The following EHMT1 variants were observed in gnomAD, a reference collection of about 807,000 sequenced individuals.
The protein encoded by EHMT1 is euchromatic histone lysine methyltransferase 1.
A neutral mutation model predicts 147.2 loss-of-function variants in EHMT1; 15 were observed. The observed-to-expected ratio is 0.10, with a 90% CI of 0.07 to 0.16. The LOEUF (loss-of-function observed/expected upper bound fraction) is 0.16, where lower values mean the gene tolerates loss of function less well. EHMT1 is among the 10% of genes least tolerant of loss of function. The pLI is 1.00. For synonymous variants in EHMT1, 795 were observed against 709.6 expected (o/e 1.12, Z -1.91); for missense variants, 1,587 against 1,772.4 (o/e 0.90, Z 1.88).
chr9:137,789,938 C>T (rs1454369964), intron 15 of EHMT1, among the ~76,000 whole-genome samples: 5 of 152,212 alleles, frequency 3.3e-5, no homozygotes. Context: ...CCATGTTGGC[C>T]AGGCTGGTCT....
intron 1 of EHMT1, among the ~76,000 whole-genome samples, chr9:137,699,632 G>A (rs1323234594): frequency 1.1e-4 from 16 of 151,162 alleles, no homozygotes; most frequent in African/African-American, 1.9e-4. Context: ...TCGAGATTGC[G>A]CCACTGCATT....
intron 16 of EHMT1, among the ~76,000 whole-genome samples, chr9:137,793,701 C>G (rs6559227): frequency 6.6e-6 from 1 of 152,154 alleles, no homozygotes; most frequent in African/African-American, 2.4e-5. Context: ...TGGGATGTTA[C>G]TCAGCCATAA....
At chr9:137,724,911 G>GT (rs1482002246) in intron 3 of EHMT1, among the ~76,000 whole-genome samples, 3,602 of 93,778 alleles carry the variant, frequency 0.038, 139 homozygotes, top group African/African-American at 0.13. Context: ...GGCATTCGTT[G>GT]GGCATTCGTG....
At chr9:137,742,171 G>A (rs541096485) in intron 4 of EHMT1, among the ~76,000 whole-genome samples, 1 of 152,304 alleles carries the variant, frequency 6.6e-6, no homozygotes, top group Non-Finnish European at 1.5e-5. Context: ...CTCCAGAGCG[G>A]ATTGCCCAGG....
intron 16 of EHMT1, among the ~76,000 whole-genome samples, chr9:137,796,032 C>T (rs1952913407): frequency 1.3e-5 from 2 of 152,244 alleles, no homozygotes; most frequent in African/African-American, 2.4e-5. Flanking sequence ...TGCAGACTCG[C>T]TCTCATCCTA....
chr9:137,704,296 A>G (rs1299446371), intron 1 of EHMT1, among the ~76,000 whole-genome samples: 1 of 152,132 alleles, frequency 6.6e-6, no homozygotes, highest in Non-Finnish European at 1.5e-5. Flanking sequence ...CTGTAGGGGA[A>G]TGTGTGGGAG....
intron 10 of EHMT1, among the ~76,000 whole-genome samples, chr9:137,772,500 G>A (rs1189746897): frequency 1.3e-5 from 2 of 152,176 alleles, no homozygotes; most frequent in East Asian, 3.9e-4. Flanking sequence ...GACCTCGTCT[G>A]AGGCTCCGCC....
intron 1 of EHMT1, among the ~76,000 whole-genome samples, chr9:137,653,530 C>CT (rs946218986): frequency 3.3e-5 from 5 of 149,738 alleles, no homozygotes; most frequent in East Asian, 2.0e-4. Flanking sequence ...TTTTCTCTTT[C>CT]TTTTTTTTTT....
intron 8 of EHMT1, among the ~76,000 whole-genome samples, chr9:137,755,467 T>C (rs918028689): frequency 6.6e-6 from 1 of 152,254 alleles, no homozygotes; most frequent in Non-Finnish European, 1.5e-5. Flanking sequence ...GTCTTATCTG[T>C]CCATTCATCC....
At chr9:137,789,749 TA>T (rs1357186514) in intron 15 of EHMT1, among the ~76,000 whole-genome samples, 4 of 152,216 alleles carry the variant, frequency 2.6e-5, no homozygotes, top group African/African-American at 4.8e-5. Context: ...TTTGTTTTTG[TA>T]ACAGAGTTCA....
intron 10 of EHMT1, among the ~76,000 whole-genome samples, chr9:137,771,887 C>T (rs986688878): frequency 5.3e-5 from 8 of 152,098 alleles, no homozygotes; most frequent in South Asian, 2.1e-4. Flanking sequence ...CGCTCAGGAG[C>T]GGGGCCCACA....
Position 137,641,502 on chromosome 9 carries a change from T to C in EHMT1, c.21+22453T>C, listed in dbSNP as rs193081688. On this transcript the variant is annotated intron_variant, in intron 1 of 26. Transcript: ENST00000460843. ...GCTTGTGGATGGCTGACAAATGTTA[T>C]TACCCAGAAATTGGGGATTTTGGGA... 6.9e-4 allele frequency: 286 copies of C among 416,180 alleles called. 1 individual carries two copies. The highest frequency in any genetic ancestry group is 5.7e-3 in the African/African-American group (267 of 47,118). The allele number at this position is 416,180 out of a possible 1,614,324, so 25.8% of individuals were successfully genotyped here. A position where few individuals can be genotyped will look rare whatever the true frequency, so the allele number is the denominator to read the frequency against.
intron 18 of EHMT1, among the ~76,000 whole-genome samples, chr9:137,809,743 T>C (rs1222022736): frequency 2.0e-5 from 3 of 152,218 alleles, no homozygotes; most frequent in Non-Finnish European, 4.4e-5. Flanking sequence ...CACTAAAATA[T>C]TTGCTGGCAT....
intron 22 of EHMT1, chr9:137,815,627 G>C: frequency 2.4e-6 from 1 of 409,080 alleles, no homozygotes; most frequent in East Asian, 5.6e-5. Context: ...GAGCAACCCA[G>C]GAGCTGGCAG....
intron 16 of EHMT1, among the ~76,000 whole-genome samples, chr9:137,794,917 G>A (rs926436330): frequency 6.6e-6 from 1 of 152,254 alleles, no homozygotes; most frequent in East Asian, 1.9e-4. Flanking sequence ...GGAAAACTTA[G>A]CGCGTTGGGA....
At chr9:137,726,370 C>G (rs770900152) in intron 3 of EHMT1, among the ~76,000 whole-genome samples, 3 of 152,214 alleles carry the variant, frequency 2.0e-5, no homozygotes, top group Admixed American at 2.0e-4. Flanking sequence ...AATGGTACAA[C>G]GTTTGTTCTT....
chr9:137,662,940 C>T (rs1416880096), intron 1 of EHMT1, among the ~76,000 whole-genome samples: 1 of 151,896 alleles, frequency 6.6e-6, no homozygotes, highest in East Asian at 1.9e-4. Flanking sequence ...ATTACAGGTG[C>T]ACGCCACCAT....
At chr9:137,642,691 T>C (rs1844579128) in intron 1 of EHMT1, among the ~76,000 whole-genome samples, 1 of 152,236 alleles carries the variant, frequency 6.6e-6, no homozygotes, top group Non-Finnish European at 1.5e-5. Flanking sequence ...CTTGTACTGT[T>C]ATTGTCATAC....
intron 1 of EHMT1, among the ~76,000 whole-genome samples, chr9:137,646,031 T>C (rs1288557216): frequency 6.6e-6 from 1 of 152,144 alleles, no homozygotes; most frequent in African/African-American, 2.4e-5. Context: ...TGATCTCAGC[T>C]CACTGCAGCC....
Sources: allele counts gnomAD v4.1 joint callset (sites outside exome capture counted in the v4.1 genomes callset), GRCh38; gene constraint gnomAD v4.1.1; transcripts MANE v1.5; gene names NCBI Gene and HGNC (gene_info 2026-07-23, HGNC 2026-07-21).